The following ADAMTS19 variants were observed in gnomAD, a reference collection of about 807,000 sequenced individuals.
ADAMTS19 encodes ADAM metallopeptidase with thrombospondin type 1 motif 19, also known as A disintegrin and metalloproteinase with thrombospondin motifs 19.
ADAMTS19 carries 93 observed loss-of-function variants against 153.3 expected under a neutral mutation model. That is an observed-to-expected ratio of 0.61 (90% CI 0.51 to 0.72). The LOEUF (loss-of-function observed/expected upper bound fraction) is 0.72. ADAMTS19 is among the 30% of genes least tolerant of loss of function. The pLI is 0.00. For missense variants in ADAMTS19, 1,482 were observed against 1,552.1 expected (o/e 0.95, Z 0.76); for synonymous variants, 600 against 556.6 (o/e 1.08, Z -1.10).
chr5:129,590,598 TA>T (rs1332143816), intron 7 of ADAMTS19, among the ~76,000 whole-genome samples: 1 of 152,206 alleles, frequency 6.6e-6, no homozygotes, highest in Non-Finnish European at 1.5e-5. Flanking sequence ...TTTTTAAAAA[TA>T]TTTTTTTAAA....
intron 6 of ADAMTS19, among the ~76,000 whole-genome samples, chr5:129,544,291 A>G (rs1752770089): frequency 6.6e-6 from 1 of 152,210 alleles, no homozygotes; most frequent in Non-Finnish European, 1.5e-5. Flanking sequence ...AAACTATTAA[A>G]TATCAACTGA....
At chr5:129,674,679 C>T (rs1052261653) in intron 16 of ADAMTS19, among the ~76,000 whole-genome samples, 1 of 152,112 alleles carries the variant, frequency 6.6e-6, no homozygotes, top group African/African-American at 2.4e-5. Context: ...CAGTATACTC[C>T]TCTTTTTCCT....
chr5:129,644,336 A>C (rs921013654), intron 11 of ADAMTS19, among the ~76,000 whole-genome samples: 3 of 152,216 alleles, frequency 2.0e-5, no homozygotes, highest in Non-Finnish European at 4.4e-5. Context: ...CATTGTGTGC[A>C]GTAGTGCTAA....
intron 2 of ADAMTS19, among the ~76,000 whole-genome samples, chr5:129,491,359 T>C (rs989442943): frequency 2.6e-5 from 4 of 152,154 alleles, no homozygotes; most frequent in Non-Finnish European, 5.9e-5. Context: ...TACCTGTTTT[T>C]CTAATTACCT....
intron 7 of ADAMTS19, among the ~76,000 whole-genome samples, chr5:129,592,679 G>C (rs1267485472): frequency 6.6e-6 from 1 of 152,030 alleles, no homozygotes; most frequent in Non-Finnish European, 1.5e-5. Context: ...CTTTACACTT[G>C]AGCAAAATAA....
At chr5:129,571,031 C>T (rs1753886022) in intron 7 of ADAMTS19, among the ~76,000 whole-genome samples, 1 of 151,870 alleles carries the variant, frequency 6.6e-6, no homozygotes, top group Non-Finnish European at 1.5e-5. Context: ...AGGCTGTCCA[C>T]TCCATCCCTC....
intron 2 of ADAMTS19, among the ~76,000 whole-genome samples, chr5:129,462,908 A>G (rs1369403707): frequency 6.6e-6 from 1 of 152,214 alleles, no homozygotes; most frequent in Non-Finnish European, 1.5e-5. Flanking sequence ...ACAGCAGTGG[A>G]TAGCAGAAAA....
intron 2 of ADAMTS19, among the ~76,000 whole-genome samples, chr5:129,466,072 G>A (rs1377453542): frequency 6.6e-6 from 1 of 152,170 alleles, no homozygotes; most frequent in African/African-American, 2.4e-5. Flanking sequence ...ATCCCATTCT[G>A]CCAAGCACCG....
intron 7 of ADAMTS19, among the ~76,000 whole-genome samples, chr5:129,581,171 A>G (rs1361209539): frequency 6.6e-6 from 1 of 152,132 alleles, no homozygotes; most frequent in African/African-American, 2.4e-5. Flanking sequence ...GGGAGGGTGT[A>G]TGTGTCCAGG....
At chr5:129,693,025 A>T (rs533902393) in intron 18 of ADAMTS19, among the ~76,000 whole-genome samples, 83 of 152,356 alleles carry the variant, frequency 5.4e-4, no homozygotes, top group Admixed American at 1.0e-3. Flanking sequence ...TGATTGAACT[A>T]AAGGTCCAAA....
chr5:129,464,314 A>T (rs191524752), intron 2 of ADAMTS19, among the ~76,000 whole-genome samples: 8 of 152,324 alleles, frequency 5.3e-5, no homozygotes, highest in African/African-American at 1.7e-4. Context: ...GAATTCTGTG[A>T]TCCTGTAATT....
intron 6 of ADAMTS19, among the ~76,000 whole-genome samples, chr5:129,541,489 T>G (rs1581061315): frequency 6.6e-6 from 1 of 152,196 alleles, no homozygotes; most frequent in Middle Eastern, 3.4e-3. Context: ...TGTGGTTCTT[T>G]AATTTTTTGC....
intron 7 of ADAMTS19, among the ~76,000 whole-genome samples, chr5:129,580,082 T>C (rs1265430389): frequency 6.6e-6 from 1 of 152,182 alleles, no homozygotes; most frequent in East Asian, 1.9e-4. Flanking sequence ...GGAATGTTTT[T>C]CCATTTGTTT....
chr5:129,680,944 TTTTC>T, intron 17 of ADAMTS19, among the ~76,000 whole-genome samples: 1 of 152,072 alleles, frequency 6.6e-6, no homozygotes, highest in Admixed American at 6.5e-5. Context: ...CTGGTGTGAG[TTTTC>T]TATCCTAATG....
At chr5:129,536,590 C>T (rs1752438783) in intron 6 of ADAMTS19, among the ~76,000 whole-genome samples, 1 of 152,180 alleles carries the variant, frequency 6.6e-6, no homozygotes. Flanking sequence ...GTAAATCATG[C>T]TGCTATAAAG....
chr5:129,714,452 T>C (rs112598085), intron 21 of ADAMTS19, among the ~76,000 whole-genome samples: 2,557 of 145,956 alleles, frequency 0.018, 81 homozygotes, highest in African/African-American at 0.062. Context: ...AAGAAAAATA[T>C]ATATCTATAG....
chr5:129,673,808 G>A (rs1464127847), intron 16 of ADAMTS19, among the ~76,000 whole-genome samples: 2 of 152,018 alleles, frequency 1.3e-5, no homozygotes. Context: ...GGATTGTTAA[G>A]TCTACTCAAC....
chr5:129,630,435 A>G (rs1752236374), intron 10 of ADAMTS19, among the ~76,000 whole-genome samples: 1 of 152,108 alleles, frequency 6.6e-6, no homozygotes, highest in Non-Finnish European at 1.5e-5. Flanking sequence ...GTGGAACACC[A>G]TAGAGAGTCC....
chr5:129,562,830 C>G (rs1029793171), intron 7 of ADAMTS19, among the ~76,000 whole-genome samples: 1 of 152,120 alleles, frequency 6.6e-6, no homozygotes, highest in African/African-American at 2.4e-5. Context: ...CTATGATGCT[C>G]TGACTCTCCA....
Sources: allele counts gnomAD v4.1 joint callset (sites outside exome capture counted in the v4.1 genomes callset), GRCh38; gene constraint gnomAD v4.1.1; transcripts MANE v1.5; gene names NCBI Gene and HGNC (gene_info 2026-07-23, HGNC 2026-07-21).